INPPL1: variants seen among roughly 807,000 people sequenced by gnomAD.
INPPL1 encodes the protein inositol polyphosphate phosphatase like 1, also known as phosphatidylinositol 3,4,5-trisphosphate 5-phosphatase 2.
Under a neutral mutation model 139.3 loss-of-function variants are expected in INPPL1, and 91 were observed. The observed-to-expected ratio is 0.65, with a 90% CI of 0.55 to 0.78. The LOEUF (loss-of-function observed/expected upper bound fraction) is 0.78. Among genes scored for constraint, INPPL1 ranks in the 30% least tolerant of loss-of-function variants. INPPL1 has a pLI of 0.00. For missense variants in INPPL1, 1,411 were observed against 1,665.6 expected, an observed-to-expected ratio of 0.85 and a Z score of 2.66; for synonymous variants, 719 against 686.6, an observed-to-expected ratio of 1.05 and a Z score of -0.74.
At position 72,235,082 on chromosome 11, in the gene INPPL1, G is replaced by A; in HGVS notation, c.2416-34G>A. On this transcript the variant is annotated intron_variant, in intron 21 of 27. Transcript: ENST00000298229. This position sits in a 1 kb window ranked among gnomAD's most constrained non-coding sequence, Gnocchi z 4.9. ...AGGAGGGGCAGGAGGAAGTGGCGGG[G>A]CTTTGTTCCTCACTGGGCCTCCCTG... The A allele has an allele frequency of 6.4e-7, 1 of 1,571,350 alleles. No homozygotes were observed. Among genetic ancestry groups the A allele is most frequent in the Middle Eastern group, 1.7e-4 (1 of 5,848 alleles).
intron 10 of INPPL1, 70 bp downstream of exon 10, chr11:72,230,538 G>A: frequency 4.3e-6 from 6 of 1,396,468 alleles, no homozygotes; most frequent in Non-Finnish European, 5.1e-6. Flanking sequence ...CCCATTGGAG[G>A]GTAAGAAAGG....
Position 72,226,554 on chromosome 11 carries a change from A to G in INPPL1, c.182+1388A>G, listed in dbSNP as rs576651349. On this transcript the variant is annotated intron_variant, in intron 1 of 27. Coordinates refer to ENST00000298229, the MANE Select transcript of INPPL1 (RefSeq NM_001567.4). The stretch of plus-strand genomic sequence containing the variant: ...GTGGGTAGAAGCCGGGGATACTGCT[A>G]AACATTCTACAGTGCACAAGAGAGT... 4.6e-5 allele frequency among the ~76,000 whole-genome samples: 7 copies of G among 152,264 alleles called. No homozygotes were observed. In the South Asian group the frequency reaches 1.4e-3, roughly 32 times the overall value.
At chr11:72,226,754 C>G (rs967086924) in intron 1 of INPPL1, among the ~76,000 whole-genome samples, 10 of 152,280 alleles carry the variant, frequency 6.6e-5, no homozygotes, top group Non-Finnish European at 1.3e-4. Flanking sequence ...ATGAATATCC[C>G]CAAGTCCTGC....
rs754900169 is a variant in INPPL1, at chr11:72,237,403, T to C, written c.3159T>C (p.Phe1053=). Residue 1053 remains phenylalanine (F), a synonymous_variant, in exon 26 of 28, where the codon TTT becomes TTC. Transcript: ENST00000298229. The part of the protein sequence containing the change: ...ESGGTLPPPD[F]PPPPLPDSAI... ...GAGGCACACTGCCCCCTCCAGACTT[T>C]CCACCTCCACCACTGCCGGACTCAG... 6.2e-7 allele frequency: 1 copy of C among 1,613,018 alleles called. No individual in the cohort carries two copies. The highest frequency in any genetic ancestry group is 1.1e-5 in the South Asian group (1 of 91,058).
intron 1 of INPPL1, among the ~76,000 whole-genome samples, chr11:72,225,714 T>C (rs1948651868): frequency 6.6e-6 from 1 of 152,152 alleles, no homozygotes; most frequent in African/African-American, 2.4e-5. Context: ...GCTGAGGCTG[T>C]ATGGGACCTT....
intron 25 of INPPL1, 86 bp downstream of exon 25, chr11:72,236,072 G>A (rs1427008998): frequency 2.6e-6 from 2 of 773,326 alleles, no homozygotes; most frequent in Non-Finnish European, 4.1e-6. Context: ...GGGTTGGCCT[G>A]GAGATCATCA....
At chr11:72,231,405 C>A in intron 12 of INPPL1, 93 bp from the exon 13 acceptor site, 1 of 1,106,388 alleles carries the variant, frequency 9.0e-7, no homozygotes, top group Non-Finnish European at 1.4e-6. Context: ...GCCTTCCTAC[C>A]CTGTGATGGA....
In INPPL1 at chr11:72,226,378, A is replaced by C. The variant is rs551749586; in HGVS notation, c.182+1212A>C. On this transcript the variant is annotated intron_variant, in intron 1 of 27. Coordinates refer to ENST00000298229, the MANE Select transcript of INPPL1 (RefSeq NM_001567.4). Reference sequence around the variant, plus strand: ...GTATTTTTAGTAGAGATGGGGTTTCACCATATTGGCCAGGCTGGTCTTGAA... The same window carrying C: ...GTATTTTTAGTAGAGATGGGGTTTCCCCATATTGGCCAGGCTGGTCTTGAA... Among the ~76,000 whole-genome samples the C allele has an allele frequency of 5.5e-4, 84 of 151,870 alleles. No individual in the cohort carries two copies. In the South Asian group the frequency reaches 0.017, roughly 31 times the overall value.
chr11:72,229,057 G>A (rs902437571), intron 4 of INPPL1, 33 bp from the exon 5 acceptor site: 1 of 1,580,838 alleles, frequency 6.3e-7, no homozygotes, highest in Non-Finnish European at 8.6e-7. Context: ...AGGTCAGCAG[G>A]ACCTCCACTG....
In INPPL1 at chr11:72,235,300, G is replaced by A. The variant is rs1291574353; in HGVS notation, c.2508G>A (p.Glu836=). 1.9e-6 allele frequency: 3 copies of A among 1,613,980 alleles called. No homozygotes were observed. The highest frequency in any genetic ancestry group is 2.2e-5 in the East Asian group (1 of 44,892). The change falls in exon 23 of 28, where the codon GAG becomes GAA. Residue 836 remains glutamate, a synonymous_variant. Coordinates refer to ENST00000298229, the MANE Select transcript of INPPL1 (RefSeq NM_001567.4). The surrounding 1 kb of genome is among the most constrained non-coding windows in gnomAD (Gnocchi z 4.9). ...KSMDGYESYG[E]CVVALKSMIG... is the part of the protein sequence containing the mutation. ...TTTGTCCCATCTGCTCCTCAGGGGA[G>A]TGTGTGGTTGCACTCAAATCCATGA...
Position 72,234,661 on chromosome 11 carries a change from A to G in INPPL1, c.2415+46A>G. ...CCTGCTTATGGGTGAGGGCACAGAGAGGGGTACATAAGAGTTTATTGGAGA... is the reference window on the plus strand; with the variant it reads ...CCTGCTTATGGGTGAGGGCACAGAGGGGGGTACATAAGAGTTTATTGGAGA... On this transcript the variant is annotated intron_variant, in intron 21 of 27. Coordinates refer to ENST00000298229, the MANE Select transcript of INPPL1 (RefSeq NM_001567.4). The surrounding 1 kb of genome is among the most constrained non-coding windows in gnomAD (Gnocchi z 4.2). 6.4e-6 allele frequency: 9 copies of G among 1,401,176 alleles called. No individual in the cohort carries two copies. The highest frequency in any genetic ancestry group is 1.2e-5 in the South Asian group (1 of 86,302). 86.8% of individuals were successfully genotyped at this position (1,401,176 alleles called of 1,614,324 possible).
At chr11:72,227,548 C>T (rs1390269118) in intron 1 of INPPL1, among the ~76,000 whole-genome samples, 1 of 152,140 alleles carries the variant, frequency 6.6e-6, no homozygotes, top group African/African-American at 2.4e-5. Context: ...TTCCATCCCC[C>T]GCTGATTGTG....
At position 72,234,159 on chromosome 11, in the gene INPPL1, C is replaced by T; in HGVS notation, c.2213-122C>T. 1 of 728,664 alleles carries T rather than the reference C, an allele frequency of 1.4e-6. No individual in the cohort carries two copies. The highest frequency in any genetic ancestry group is 2.4e-6 in the Non-Finnish European group (1 of 421,458). 45.1% of individuals were successfully genotyped at this position (728,664 alleles called of 1,614,324 possible). On this transcript the variant is annotated intron_variant, in intron 19 of 27. Transcript: ENST00000298229. The surrounding 1 kb of genome is among the most constrained non-coding windows in gnomAD (Gnocchi z 4.2). The stretch of plus-strand genomic sequence containing the variant: ...TTGGTGGCTTGGGACTGGGGAGGCC[C>T]CTCCTGGCCCTGCCTCCTTGCTCTG...
At position 72,225,070 on chromosome 11, in the gene INPPL1, C is replaced by T. The variant is rs1948629856; in HGVS notation, c.86C>T (p.Ala29Val). The change falls in exon 1 of 28, where the codon GCG becomes GTG. Residue 29 changes from alanine (A) to valine (V), a missense_variant. Around this residue, in one of 5 missense-constraint regions of INPPL1, gnomAD observed 504 missense variants for 595.6 expected, o/e 0.85. Transcript: ENST00000298229. The part of the protein sequence containing the change: ...PSWYHRDLSR[A>V]AAEELLARAG... The stretch of plus-strand genomic sequence containing the variant: ...TGGTACCACCGCGACCTGAGCCGGG[C>T]GGCCGCGGAGGAGCTGCTGGCCCGG... The T allele has an allele frequency of 3.3e-6, 4 of 1,230,366 alleles. No individual in the cohort carries two copies. The highest frequency in any genetic ancestry group is 3.2e-5 in the East Asian group (1 of 31,590). 76.2% of individuals were successfully genotyped at this position (1,230,366 alleles called of 1,614,324 possible).
chr11:72,231,580 C>T lies in INPPL1; in HGVS notation c.1580C>T (p.Thr527Met). The T allele has an allele frequency of 4.3e-6, 7 of 1,613,828 alleles. No individual in the cohort carries two copies. The highest frequency in any genetic ancestry group is 1.7e-4 in the Middle Eastern group (1 of 5,876). The change falls in exon 13 of 28, where the codon ACG becomes ATG. Residue 527 changes from threonine to methionine, a missense_variant. Thr to Met is a moderately conservative substitution (Grantham distance 81). Around this residue, in one of 5 missense-constraint regions of INPPL1, gnomAD observed 363 missense variants for 446.2 expected, o/e 0.81. Transcript: ENST00000298229. ...GAGAACCGTATCAGCCATGTCAGTA[C>T]GTCCAGTGTGAAGACTGGCATCGCC... ...EHENRISHVS[T>M]SSVKTGIANT...
chr11:72,233,232 G>C (rs898193062), intron 17 of INPPL1, 69 bp downstream of exon 17: 2 of 1,397,032 alleles, frequency 1.4e-6, no homozygotes, highest in African/African-American at 2.9e-5. Context: ...TTTGGGTCAA[G>C]GGTATGGGCC....
chr11:72,225,923 A>G (rs568832366), intron 1 of INPPL1, among the ~76,000 whole-genome samples: 8 of 151,152 alleles, frequency 5.3e-5, no homozygotes, highest in Non-Finnish European at 1.2e-4. Context: ...GTGAGTTAGC[A>G]CTCTTGGTTT....
chr11:72,224,526 TG>T (rs1302126427), upstream of INPPL1, among the ~76,000 whole-genome samples: 2 of 89,180 alleles, frequency 2.2e-5, no homozygotes, highest in Non-Finnish European at 4.4e-5. Context: ...GGGGCCAGGA[TG>T]GGGGGACTCG....
chr11:72,227,027 C>A (rs552039775), intron 1 of INPPL1, among the ~76,000 whole-genome samples: 1 of 152,050 alleles, frequency 6.6e-6, no homozygotes, highest in Non-Finnish European at 1.5e-5. Flanking sequence ...AAGGATCAGA[C>A]GTGGGCGATC....
Sources: gnomAD v4.1 joint callset for allele counts (sites outside exome capture counted in the v4.1 genomes callset) on GRCh38, gnomAD v4.1.1 for gene constraint, gnomAD v4.1.1 regional missense constraint, Gnocchi (gnomAD v3.1) non-coding constraint, MANE v1.5 for transcripts, NCBI Gene and HGNC (gene_info 2026-07-23, HGNC 2026-07-21) for gene names.